EVA1B: variants seen among roughly 807,000 people sequenced by gnomAD.
EVA1B encodes the protein eva-1 homolog B.
EVA1B carries 2 observed loss-of-function variants against 4.6 expected under a neutral mutation model. The observed-to-expected ratio is 0.43, with a 90% CI of 0.18 to 1.37. EVA1B has a LOEUF of 1.37. Ranked by LOEUF, EVA1B falls within the 40% of genes most tolerant of loss-of-function variation. The pLI is 0.28. For synonymous variants in EVA1B, 124 were observed against 115.8 expected (o/e 1.07, Z -0.46); for missense variants, 263 against 240.4 (o/e 1.09, Z -0.62).
chr1:36,322,810 G>C lies in EVA1B; in HGVS notation c.68-85C>G, dbSNP rs954209080. 1.1e-5 allele frequency: 17 copies of C among 1,492,600 alleles called. No individual in the cohort carries two copies. The African/African-American group carries it at 1.4e-4, about 12-fold the overall frequency. 92.5% of individuals were successfully genotyped at this position (1,492,600 alleles called of 1,614,324 possible). The stretch of plus-strand genomic sequence containing the variant: ...CCGAAAGACCCCAGGTTCTAGGTGT[G>C]GGGGCGAGGCCTGTAACCCCTACTC... On this transcript the variant is annotated intron_variant, in intron 2 of 2. Coordinates refer to ENST00000490466, the MANE Select transcript of EVA1B (RefSeq NM_001304762.2).
At chr1:36,322,935 G>C in intron 2 of EVA1B, 36 bp downstream of exon 2, 1 of 1,603,392 alleles carries the variant, frequency 6.2e-7, no homozygotes, top group South Asian at 1.1e-5. Flanking sequence ...GTCAGGGAAG[G>C]GTTCAGGCCC....
Position 36,322,191 on chromosome 1 carries a change from A to G in EVA1B, c.*104T>C. ...GGGGTGGCGGTCCACGCCCAGTAGC[A>G]CCTGGGAGCTGTGGGGGCCGAGGCA... On this transcript the variant is annotated 3_prime_UTR_variant, in exon 3 of 3. Transcript: ENST00000490466. The G allele has an allele frequency of 7.3e-7, 1 of 1,369,146 alleles. No individual in the cohort carries two copies. Among genetic ancestry groups the G allele is most frequent in the Non-Finnish European group, 9.5e-7 (1 of 1,053,176 alleles). The allele number at this position is 1,369,146 out of a possible 1,614,324, so 84.8% of individuals were successfully genotyped here.
chr1:36,322,825 A>G, intron 2 of EVA1B, 100 bp from the exon 3 acceptor site: 1 of 1,488,008 alleles, frequency 6.7e-7, no homozygotes, highest in Middle Eastern at 2.2e-4. Context: ...CGAGGCCTGT[A>G]ACCCCTACTC....
chr1:36,322,481 C>T lies in EVA1B; in HGVS notation c.312G>A (p.Pro104=), dbSNP rs1435356486. The change falls in exon 3 of 3, where the codon CCG becomes CCA. Residue 104 remains proline, a synonymous_variant. Transcript: ENST00000490466. ...AGACGTTGACGTTGAGGGGCCCGTC[C>T]GGCTCTGCGGACAGCTCGGGGCCCG... ...TLPGPELSAE[P]DGPLNVNVFT... is the part of the protein sequence containing the mutation. 3 of 1,604,180 alleles carry T rather than the reference C, an allele frequency of 1.9e-6. No homozygotes were observed. Among genetic ancestry groups the T allele is most frequent in the Non-Finnish European group, 2.5e-6 (3 of 1,179,188 alleles).
Position 36,322,194 on chromosome 1 carries a change from T to C in EVA1B, c.*101A>G, listed in dbSNP as rs1228166741. 1 of 1,380,798 alleles carries C rather than the reference T, an allele frequency of 7.2e-7. No homozygotes were observed. The highest frequency in any genetic ancestry group is 9.4e-7 in the Non-Finnish European group (1 of 1,062,590). The allele number at this position is 1,380,798 out of a possible 1,614,324, so 85.5% of individuals were successfully genotyped here. The stretch of plus-strand genomic sequence containing the variant: ...GTGGCGGTCCACGCCCAGTAGCACC[T>C]GGGAGCTGTGGGGGCCGAGGCAGTC... On this transcript the variant is annotated 3_prime_UTR_variant, in exon 3 of 3. Transcript: ENST00000490466.
chr1:36,323,341 A>T, intron 1 of EVA1B, 118 bp downstream of exon 1: 1 of 365,468 alleles, frequency 2.7e-6, no homozygotes, highest in Non-Finnish European at 5.0e-6. Flanking sequence ...CCGGGGCGGG[A>T]TGGAGGATAG....
rs1646472715 is a variant in EVA1B at position 36,322,080 on chromosome 1, C to A, written c.*215G>T. On this transcript the variant is annotated 3_prime_UTR_variant, in exon 3 of 3. Transcript: ENST00000490466. ...TTTGGTCACTTCACCTCTTCATCGA[C>A]CCCAGAGAGGGAGTGGGGACCCTGC... is the stretch of plus-strand genomic sequence containing the variant. The A allele has an allele frequency of 7.4e-7, 1 of 1,355,042 alleles. No homozygotes were observed. The highest frequency in any genetic ancestry group is 1.9e-5 in the South Asian group (1 of 53,546). The allele number at this position is 1,355,042 out of a possible 1,614,324, so 83.9% of individuals were successfully genotyped here.
rs1280532336 is a variant in EVA1B at position 36,322,709 on chromosome 1, G to A, written c.84C>T (p.Phe28=). 1 of 1,547,144 alleles carries A rather than the reference G, an allele frequency of 6.5e-7. No individual in the cohort carries two copies. The highest frequency in any genetic ancestry group is 8.7e-7 in the Non-Finnish European group (1 of 1,146,820). ...YAHIRANPES[F]GLYFVLGVCF... ...AGACGCCCAGCACGAAGTAGAGGCC[G>A]AAGCTCTCGGGGTTGGCTGCGGGGC... Residue 28 remains phenylalanine (F), a synonymous_variant, in exon 3 of 3, where the codon TTC becomes TTT. Coordinates refer to ENST00000490466, the MANE Select transcript of EVA1B (RefSeq NM_001304762.2).
rs1480957604 is a variant in EVA1B at position 36,322,470 on chromosome 1, A to AG, written c.322dup (p.Leu108ProfsTer136). On this transcript the variant is annotated frameshift_variant, in exon 3 of 3. Coordinates refer to ENST00000490466, the MANE Select transcript of EVA1B (RefSeq NM_001304762.2). LOFTEE classifies it high-confidence loss of function. ...CGCCGACGTGAAGACGTTGACGTTGAGGGGCCCGTCCGGCTCTGCGGACAG... is the reference window on the plus strand; with the variant it reads ...CGCCGACGTGAAGACGTTGACGTTGAGGGGGCCCGTCCGGCTCTGCGGACAG... 6.2e-7 allele frequency: 1 copy of AG among 1,604,550 alleles called. No individual in the cohort carries two copies. The highest frequency in any genetic ancestry group is 8.5e-7 in the Non-Finnish European group (1 of 1,179,278).
chr1:36,323,333 G>T (rs1646500695), intron 1 of EVA1B, 126 bp downstream of exon 1: 1 of 380,226 alleles, frequency 2.6e-6, no homozygotes, highest in Non-Finnish European at 4.7e-6. Context: ...CCGCCGTCCC[G>T]GGGCGGGATG....
Position 36,322,516 on chromosome 1 carries a change from C to T in EVA1B, c.277G>A (p.Asp93Asn). The change falls in exon 3 of 3, where the codon GAC (aspartate) becomes AAC (asparagine). Residue 93 changes from aspartate to asparagine, a missense_variant. By Grantham distance (23) the Asp-to-Asn change is conservative. Coordinates refer to ENST00000490466, the MANE Select transcript of EVA1B (RefSeq NM_001304762.2). The stretch of plus-strand genomic sequence containing the variant: ...GACAGCTCGGGGCCCGGCAGCGTGT[C>T]GTCGGGGCCCAGCCGAGTCACCGTG... ...EDTVTRLGPDDTLPGPELSAE... is the reference protein window; with the variant it reads ...EDTVTRLGPDNTLPGPELSAE... 1 of 1,601,144 alleles carries T rather than the reference C, an allele frequency of 6.2e-7. No homozygotes were observed. The highest frequency in any genetic ancestry group is 8.5e-7 in the Non-Finnish European group (1 of 1,178,424).
chr1:36,322,342 GC>G lies in EVA1B; in HGVS notation c.450del (p.Ser152AlafsTer59). On this transcript the variant is annotated frameshift_variant, in exon 3 of 3. Transcript: ENST00000490466. LOFTEE classifies it high-confidence loss of function. The part of the protein sequence containing the change: ...QPDLLGTGTL[G>X]PSPTATGTLG... ...AGGGTGCCCGTGGCCGTGGGGCTGG[GC>G]CCCAGCGTGCCTGTGCCCAGCAGGT... The G allele has an allele frequency of 6.3e-7, 1 of 1,577,710 alleles. No individual in the cohort carries two copies. Among genetic ancestry groups the G allele is most frequent in the South Asian group, 1.1e-5 (1 of 88,140 alleles).
intron 2 of EVA1B, 21 bp downstream of exon 2, chr1:36,322,950 T>C: frequency 6.2e-7 from 1 of 1,606,614 alleles, no homozygotes; most frequent in Non-Finnish European, 8.5e-7. Context: ...AGGCCCCCAG[T>C]CTTCCGGCGC....
intron 2 of EVA1B, 75 bp from the exon 3 acceptor site, chr1:36,322,800 T>A (rs746798396): frequency 6.6e-7 from 1 of 1,503,804 alleles, no homozygotes; most frequent in African/African-American, 1.4e-5. Flanking sequence ...AGACCCCAGG[T>A]TCTAGGTGTG....
chr1:36,322,605 G>T lies in EVA1B; in HGVS notation c.188C>A (p.Ala63Asp). ...WAPRPRPRGP[A>D]QRRDPRSSTL... ...GCTGCTGCGGGGGTCCCGGCGCTGAGCCGGGCCCCGGGGCCGCGGGCGGGG... is the reference window on the plus strand; with the variant it reads ...GCTGCTGCGGGGGTCCCGGCGCTGATCCGGGCCCCGGGGCCGCGGGCGGGG... Residue 63 changes from alanine to aspartate, a missense_variant, in exon 3 of 3, where the codon GCT (alanine) becomes GAT (aspartate). Transcript: ENST00000490466. The T allele has an allele frequency of 6.4e-7, 1 of 1,553,716 alleles. No homozygotes were observed. The highest frequency in any genetic ancestry group is 1.9e-5 in the Admixed American group (1 of 51,366).
chr1:36,323,170 C>G (rs950632535), intron 1 of EVA1B, 103 bp from the exon 2 acceptor site: 1 of 955,264 alleles, frequency 1.0e-6, no homozygotes, highest in African/African-American at 1.7e-5. Flanking sequence ...AGGTTCCACC[C>G]TGGAGAGAGC....
chr1:36,323,389 A>G (rs1646502142), intron 1 of EVA1B, 70 bp downstream of exon 1: 1 of 207,058 alleles, frequency 4.8e-6, no homozygotes, highest in Non-Finnish European at 9.6e-6. Flanking sequence ...GGCTCCGGGA[A>G]GGGAAGCTGC....
At chr1:36,323,095 C>T in intron 1 of EVA1B, 28 bp from the exon 2 acceptor site, 1 of 1,568,086 alleles carries the variant, frequency 6.4e-7, no homozygotes, top group Non-Finnish European at 8.6e-7. Context: ...TCAGATCCTT[C>T]TCCCAGCCTG....
rs970616429 is a variant in EVA1B, at chr1:36,323,627, G to A, written c.-199C>T. On this transcript the variant is annotated 5_prime_UTR_variant, in exon 1 of 3. Coordinates refer to ENST00000490466, the MANE Select transcript of EVA1B (RefSeq NM_001304762.2). ...GGACCGAGGGACCAGCCGGCGGAAAGTTTCCTCCGAGGAAAGAGGAGGGAC... is the reference window on the plus strand; with the variant it reads ...GGACCGAGGGACCAGCCGGCGGAAAATTTCCTCCGAGGAAAGAGGAGGGAC... The A allele has an allele frequency of 2.0e-5, 3 of 152,058 alleles. No homozygotes were observed. The highest frequency in any genetic ancestry group is 6.5e-5 in the Admixed American group (1 of 15,284). 9.4% of individuals were successfully genotyped at this position (152,058 alleles called of 1,614,324 possible). A position where few individuals can be genotyped will look rare whatever the true frequency, so the allele number is the denominator to read the frequency against.
Sources: allele counts gnomAD v4.1 joint callset, GRCh38; gene constraint gnomAD v4.1.1; transcripts MANE v1.5; gene names NCBI Gene and HGNC (gene_info 2026-07-23, HGNC 2026-07-21).